Variants in MBD3 observed in about 807,000 individuals in gnomAD.
The protein encoded by MBD3 is methyl-CpG binding domain protein 3.
A neutral mutation model predicts 31.2 loss-of-function variants in MBD3; 13 were observed. That is an observed-to-expected ratio of 0.42 (90% CI 0.27 to 0.66). The LOEUF (loss-of-function observed/expected upper bound fraction) is 0.66, where lower values mean the gene tolerates loss of function less well. Ranked by LOEUF, MBD3 falls within the 30% of genes least tolerant of loss-of-function variation. The pLI is 0.26. For missense variants in MBD3, 440 were observed against 426.5 expected (o/e 1.03, Z -0.28); for synonymous variants, 223 against 187.4 (o/e 1.19, Z -1.55).
chr19:1,584,930 CCCTCCGCCCGCTGTGA>C (rs1191548391), intron 2 of MBD3, 109 bp downstream of exon 2: 3 of 1,364,076 alleles, frequency 2.2e-6, no homozygotes, highest in East Asian at 5.0e-5. Context: ...CCGCTCTGTG[CCCTCCGCCCGCTGTGA>C]CCTCCTGCGC....
At chr19:1,584,758 C>T in intron 2 of MBD3, 81 bp from the exon 3 acceptor site, 1 of 1,442,574 alleles carries the variant, frequency 6.9e-7, no homozygotes, top group East Asian at 2.5e-5. Flanking sequence ...CCCGGGTGAC[C>T]CCCTGCTTTG....
chr19:1,574,051 C>G lies in MBD3; in HGVS notation c.*4113G>C, dbSNP rs1273745242. 2 of 151,960 alleles carry G rather than the reference C, an allele frequency of 1.3e-5. No individual in the cohort carries two copies. Among genetic ancestry groups the G allele is most frequent in the Non-Finnish European group, 2.9e-5 (2 of 68,086 alleles). The allele number at this position is 151,960 out of a possible 1,614,324, so 9.4% of individuals were successfully genotyped here. A position where few individuals can be genotyped will look rare whatever the true frequency, so the allele number is the denominator to read the frequency against. The stretch of plus-strand genomic sequence containing the variant: ...ACACAATTCTGGTGAGGCACGGTGG[C>G]TCATGCCTGTAATCCCAGCACTTTG... On this transcript the variant is annotated 3_prime_UTR_variant, in exon 7 of 7. Coordinates refer to ENST00000434436, the MANE Select transcript of MBD3 (RefSeq NM_001281453.2).
chr19:1,580,139 C>T (rs944600304), intron 5 of MBD3, among the ~76,000 whole-genome samples: 1 of 152,242 alleles, frequency 6.6e-6, no homozygotes, highest in Non-Finnish European at 1.5e-5. Flanking sequence ...GTTGACAATT[C>T]TTCCTATTTC....
intron 3 of MBD3, 77 bp downstream of exon 3, chr19:1,584,463 G>A (rs2060667909): frequency 3.1e-6 from 5 of 1,589,186 alleles, no homozygotes; most frequent in Non-Finnish European, 3.4e-6. Context: ...CTCCACGTAC[G>A]ACCTCATTCC....
chr19:1,580,005 G>A (rs1394671680), intron 5 of MBD3, among the ~76,000 whole-genome samples: 2 of 152,166 alleles, frequency 1.3e-5, no homozygotes, highest in Admixed American at 6.5e-5. Flanking sequence ...TGATCCTCCC[G>A]CCTCGGCCTC....
intron 1 of MBD3, among the ~76,000 whole-genome samples, chr19:1,588,322 C>T (rs1384008590): frequency 6.6e-6 from 1 of 152,168 alleles, no homozygotes; most frequent in Non-Finnish European, 1.5e-5. Context: ...GGCTGACGTT[C>T]AGTCGAAGCT....
intron 4 of MBD3, among the ~76,000 whole-genome samples, 159 bp downstream of exon 4, chr19:1,582,463 C>T (rs1464059749): frequency 6.6e-6 from 1 of 152,186 alleles, no homozygotes; most frequent in Non-Finnish European, 1.5e-5. Context: ...CATCCCCAAC[C>T]CCACTGGGTC....
At chr19:1,580,620 G>A (rs193267449) in intron 5 of MBD3, among the ~76,000 whole-genome samples, 7 of 152,326 alleles carry the variant, frequency 4.6e-5, no homozygotes, top group Admixed American at 1.3e-4. Flanking sequence ...CTGAGGCCCC[G>A]CAGGAGGGCC....
At chr19:1,581,839 C>G (rs1033929878) in intron 4 of MBD3, 13 of 162,062 alleles carry the variant, frequency 8.0e-5, no homozygotes, top group African/African-American at 3.2e-4. Context: ...GCGATCTCGG[C>G]TCACTGTAAG....
At chr19:1,590,294 C>T (rs2060697746) in intron 1 of MBD3, among the ~76,000 whole-genome samples, 1 of 151,508 alleles carries the variant, frequency 6.6e-6, no homozygotes, top group African/African-American at 2.4e-5. Context: ...GAAACTCCAT[C>T]TCCAAAAAAA....
intron 4 of MBD3, among the ~76,000 whole-genome samples, 158 bp downstream of exon 4, chr19:1,582,464 C>T (rs967859539): frequency 6.6e-6 from 1 of 152,034 alleles, no homozygotes; most frequent in Admixed American, 6.6e-5. Context: ...ATCCCCAACC[C>T]CACTGGGTCC....
chr19:1,592,649 C>G lies in MBD3; in HGVS notation c.-18G>C, dbSNP rs556907524. Reference sequence around the variant, plus strand: ...CGCTCCATTGCGCCCGGCTCCTCGGCCCGCCGCCGGGCCCGCCGCCGCCGC... The same window carrying G: ...CGCTCCATTGCGCCCGGCTCCTCGGGCCGCCGCCGGGCCCGCCGCCGCCGC... On this transcript the variant is annotated 5_prime_UTR_variant, in exon 1 of 7. Coordinates refer to ENST00000434436, the MANE Select transcript of MBD3 (RefSeq NM_001281453.2). 63 of 1,167,502 alleles carry G rather than the reference C, an allele frequency of 5.4e-5. 1 individual carries two copies. The South Asian group carries it at 9.5e-4, about 18-fold the overall frequency. The allele number at this position is 1,167,502 out of a possible 1,614,324, so 72.3% of individuals were successfully genotyped here.
chr19:1,584,943 G>A (rs1029451616), intron 2 of MBD3, 112 bp downstream of exon 2: 77 of 1,449,438 alleles, frequency 5.3e-5, no homozygotes, highest in Admixed American at 4.4e-4. Context: ...TCCGCCCGCT[G>A]TGACCTCCTG....
rs926609351 is a variant in MBD3 at position 1,577,967 on chromosome 19, G to A, written c.*197C>T. 10 of 374,634 alleles carry A rather than the reference G, an allele frequency of 2.7e-5. No individual in the cohort carries two copies. The highest frequency in any genetic ancestry group is 1.4e-4 in the African/African-American group (7 of 48,554). The allele number at this position is 374,634 out of a possible 1,614,324, so 23.2% of individuals were successfully genotyped here. The stretch of plus-strand genomic sequence containing the variant: ...AGAGGACGAGCGTGGAGGGTCTTTC[G>A]GGTGGGGGCAGCCCCAGCTGTGTGC... On this transcript the variant is annotated 3_prime_UTR_variant, in exon 7 of 7. Transcript: ENST00000434436.
At position 1,578,491 on chromosome 19, in the gene MBD3, G is replaced by C; in HGVS notation, c.725C>G (p.Ala242Gly). The change falls in exon 6 of 7, where the codon GCG (alanine) becomes GGG (glycine). Residue 242 changes from alanine to glycine, a missense_variant. Ala to Gly is a moderately conservative substitution (Grantham distance 60, BLOSUM62 0). Transcript: ENST00000434436. The surrounding 1 kb of genome is among the most constrained non-coding windows in gnomAD (Gnocchi z 6.1). ...GTGCGCCAGCATGTCGGCCATCAGC[G>C]CCTCCTCCAGCCGCTTCCGCACCTG... ...VQQVRKRLEE[A>G]LMADMLAHVE... 1 of 1,611,442 alleles carries C rather than the reference G, an allele frequency of 6.2e-7. No homozygotes were observed. The highest frequency in any genetic ancestry group is 8.5e-7 in the Non-Finnish European group (1 of 1,179,904).
At position 1,573,864 on chromosome 19, in the gene MBD3, T is replaced by TG. The variant is rs1568270477; in HGVS notation, c.*4299dup. On this transcript the variant is annotated 3_prime_UTR_variant, in exon 7 of 7. Coordinates refer to ENST00000434436, the MANE Select transcript of MBD3 (RefSeq NM_001281453.2). ...TAAAAGTACAAAGATTAGCTGGGTG[T>TG]GGTGGCGGGCGCCCGTAATCTCAGC... is the stretch of plus-strand genomic sequence containing the variant. 2 of 152,070 alleles carry TG rather than the reference T, an allele frequency of 1.3e-5. No homozygotes were observed. Among genetic ancestry groups the TG allele is most frequent in the African/African-American group, 4.8e-5 (2 of 41,412 alleles). 9.4% of individuals were successfully genotyped at this position (152,070 alleles called of 1,614,324 possible). A position where few individuals can be genotyped will look rare whatever the true frequency, so the allele number is the denominator to read the frequency against.
At position 1,580,002 on chromosome 19, in the gene MBD3, C is replaced by G. The variant is rs187304075; in HGVS notation, c.677+1090G>C. The stretch of plus-strand genomic sequence containing the variant: ...TCAACTCCTGACCTCAGGTGATCCT[C>G]CCGCCTCGGCCTCCCAAAGTGCTGG... On this transcript the variant is annotated intron_variant, in intron 5 of 6. Coordinates refer to ENST00000434436, the MANE Select transcript of MBD3 (RefSeq NM_001281453.2). 2.6e-5 allele frequency among the ~76,000 whole-genome samples: 4 copies of G among 152,356 alleles called. No individual in the cohort carries two copies. The East Asian group carries it at 7.7e-4, about 29-fold the overall frequency.
chr19:1,582,058 C>T (rs770066448), intron 4 of MBD3, among the ~76,000 whole-genome samples: 13 of 152,140 alleles, frequency 8.5e-5, no homozygotes, highest in Non-Finnish European at 1.8e-4. Flanking sequence ...TGAGCCACTG[C>T]ACCTGGCCTT....
chr19:1,585,235 C>T lies in MBD3; in HGVS notation c.111-21G>A, dbSNP rs896478151. ...TCGGGCTGCGGGGAGGCGGGACGGT[C>T]GGCGCCCCGGGCGGACCCCAGACCC... On this transcript the variant is annotated intron_variant, in intron 1 of 6. Coordinates refer to ENST00000434436, the MANE Select transcript of MBD3 (RefSeq NM_001281453.2). The surrounding 1 kb of genome is among the most constrained non-coding windows in gnomAD (Gnocchi z 4.1). 3 of 1,562,440 alleles carry T rather than the reference C, an allele frequency of 1.9e-6. No individual in the cohort carries two copies. Among genetic ancestry groups the T allele is most frequent in the Non-Finnish European group, 2.6e-6 (3 of 1,161,664 alleles).
Sources: allele counts gnomAD v4.1 joint callset (sites outside exome capture counted in the v4.1 genomes callset), GRCh38; gene constraint gnomAD v4.1.1; non-coding constraint Gnocchi (gnomAD v3.1); transcripts MANE v1.5; gene names NCBI Gene and HGNC (gene_info 2026-07-23, HGNC 2026-07-21).